The following ZNF385D variants were observed in gnomAD, a reference collection of about 807,000 sequenced individuals.
ZNF385D encodes the protein zinc finger protein 659.
ZNF385D carries 15 observed loss-of-function variants against 35.8 expected under a neutral mutation model. The ratio of observed to expected loss-of-function variants is 0.42; its 90% CI spans 0.28 to 0.64. ZNF385D has a LOEUF of 0.64. Ranked by LOEUF, ZNF385D falls within the 30% of genes least tolerant of loss-of-function variation. The pLI is 0.23. For missense variants in ZNF385D, 474 were observed against 494.6 expected (o/e 0.96, Z 0.39); for synonymous variants, 212 against 186.8 (o/e 1.13, Z -1.10).
intron 2 of ZNF385D, among the ~76,000 whole-genome samples, chr3:21,603,691 CAAAA>C (rs755713887): frequency 6.6e-6 from 1 of 151,844 alleles, no homozygotes; most frequent in Non-Finnish European, 1.5e-5. Context: ...GAAAGTATAA[CAAAA>C]AAAGTACAAG....
At chr3:21,748,053 A>G (rs1879166) in intron 1 of ZNF385D, among the ~76,000 whole-genome samples, 17,738 of 152,216 alleles carry the variant, frequency 0.12, 1,431 homozygotes, top group East Asian at 0.4. Flanking sequence ...GCAAGATCCA[A>G]GATTGATAGA....
At chr3:21,726,623 C>T (rs768151873) in intron 1 of ZNF385D, among the ~76,000 whole-genome samples, 8 of 151,944 alleles carry the variant, frequency 5.3e-5, no homozygotes, top group African/African-American at 9.7e-5. Context: ...ACAAGGGATA[C>T]GAAGGACCTC....
chr3:21,435,441 T>G (rs988134306), intron 5 of ZNF385D, among the ~76,000 whole-genome samples: 1 of 151,818 alleles, frequency 6.6e-6, no homozygotes, highest in African/African-American at 2.4e-5. Context: ...TTTTCATAAT[T>G]TTTTGTGGAG....
intron 3 of ZNF385D, among the ~76,000 whole-genome samples, chr3:22,145,008 ATATGTG>A (rs954037565): frequency 3.1e-4 from 19 of 61,750 alleles, no homozygotes; most frequent in African/African-American, 7.4e-4. Flanking sequence ...TTGAAGATAC[ATATGTG>A]TGTGTGTGTG....
intron 3 of ZNF385D, among the ~76,000 whole-genome samples, chr3:21,918,146 A>C (rs1700283182): frequency 6.6e-6 from 1 of 152,190 alleles, no homozygotes; most frequent in Non-Finnish European, 1.5e-5. Context: ...TGTTTAGCCA[A>C]ATTTTAAACA....
chr3:21,790,448 T>A (rs55794313), intron 3 of ZNF385D, among the ~76,000 whole-genome samples: 26,066 of 151,422 alleles, frequency 0.17, 2,411 homozygotes, highest in Non-Finnish European at 0.19. Context: ...GATTGCTGTT[T>A]CTTTGTAATT....
In ZNF385D at chr3:21,543,443, G is replaced by T. The variant is rs561090727; in HGVS notation, c.276+21131C>A. Among the ~76,000 whole-genome samples the T allele has an allele frequency of 8.0e-4, 121 of 152,100 alleles. 1 individual carries two copies. The highest frequency in any genetic ancestry group is 2.9e-3 in the African/African-American group (120 of 41,494). ...TCACGGTCTTTTCCTTTTTCCAGACGGACTAGCGAGCAGCAGTTCCCAGCC... is the reference window on the plus strand; with the variant it reads ...TCACGGTCTTTTCCTTTTTCCAGACTGACTAGCGAGCAGCAGTTCCCAGCC... On this transcript the variant is annotated intron_variant, in intron 3 of 7. Transcript: ENST00000281523.
At chr3:21,799,922 T>A (rs1287239051) in intron 3 of ZNF385D, among the ~76,000 whole-genome samples, 1 of 152,192 alleles carries the variant, frequency 6.6e-6, no homozygotes, top group Non-Finnish European at 1.5e-5. Context: ...TTGAGTTAAA[T>A]TTTGAATAAT....
At chr3:21,832,820 T>A (rs1166846778) in intron 3 of ZNF385D, among the ~76,000 whole-genome samples, 1 of 152,160 alleles carries the variant, frequency 6.6e-6, no homozygotes, top group African/African-American at 2.4e-5. Context: ...TTCTATGAGC[T>A]CTACTCTTTT....
chr3:21,736,604 C>T (rs946112062), intron 1 of ZNF385D, among the ~76,000 whole-genome samples: 11 of 152,160 alleles, frequency 7.2e-5, no homozygotes, highest in African/African-American at 1.7e-4. Context: ...GCATTTATCC[C>T]CATTTGTAAA....
intron 4 of ZNF385D, among the ~76,000 whole-genome samples, chr3:21,450,835 A>C (rs2125278376): frequency 6.6e-6 from 1 of 152,282 alleles, no homozygotes; most frequent in East Asian, 1.9e-4. Flanking sequence ...ACTTCAGAAA[A>C]ATTCCACTAT....
intron 2 of ZNF385D, among the ~76,000 whole-genome samples, chr3:22,353,546 G>A (rs1392802102): frequency 6.6e-6 from 1 of 152,140 alleles, no homozygotes; most frequent in East Asian, 1.9e-4. Flanking sequence ...ACAATAGAAT[G>A]TGGAGATCAA....
chr3:21,739,905 C>T (rs986447317), intron 1 of ZNF385D, among the ~76,000 whole-genome samples: 2 of 152,162 alleles, frequency 1.3e-5, no homozygotes, highest in Admixed American at 6.5e-5. Context: ...TCCTTACAAA[C>T]ACTCTATAGA....
At chr3:21,513,611 T>C (rs529075927) in intron 3 of ZNF385D, among the ~76,000 whole-genome samples, 84 of 152,152 alleles carry the variant, frequency 5.5e-4, no homozygotes, top group African/African-American at 1.9e-3. Flanking sequence ...AAATTGAGTA[T>C]AGTGGGGTGA....
intron 1 of ZNF385D, among the ~76,000 whole-genome samples, chr3:21,672,785 A>C (rs2066615902): frequency 6.6e-6 from 1 of 152,172 alleles, no homozygotes; most frequent in South Asian, 2.1e-4. Flanking sequence ...CACGACCAAA[A>C]TCAAAACACT....
At chr3:21,513,004 TG>T (rs1035746912) in intron 3 of ZNF385D, among the ~76,000 whole-genome samples, 1 of 152,088 alleles carries the variant, frequency 6.6e-6, no homozygotes, top group African/African-American at 2.4e-5. Flanking sequence ...TATTAAAAGA[TG>T]GGGGGTGAGA....
At chr3:21,904,302 CAAA>C (rs548922115) in intron 3 of ZNF385D, among the ~76,000 whole-genome samples, 2,942 of 79,162 alleles carry the variant, frequency 0.037, 204 homozygotes, top group Admixed American at 0.25. Flanking sequence ...GACTCCATCT[CAAA>C]AAAAAAAAAA....
intron 2 of ZNF385D, among the ~76,000 whole-genome samples, chr3:22,351,656 G>T (rs1365994726): frequency 1.3e-5 from 2 of 152,020 alleles, no homozygotes; most frequent in Non-Finnish European, 2.9e-5. Flanking sequence ...GTGCAAACAA[G>T]CCTACAATGA....
chr3:21,899,282 C>T (rs1699287248), intron 3 of ZNF385D, among the ~76,000 whole-genome samples: 1 of 152,096 alleles, frequency 6.6e-6, no homozygotes, highest in Admixed American at 6.6e-5. Flanking sequence ...TAGGATTTAG[C>T]TCACCCTCCC....
Sources: allele counts gnomAD v4.1 joint callset (sites outside exome capture counted in the v4.1 genomes callset), GRCh38; gene constraint gnomAD v4.1.1; transcripts MANE v1.5; gene names NCBI Gene and HGNC (gene_info 2026-07-23, HGNC 2026-07-21).